The following THSD4 variants were observed in gnomAD, a reference collection of about 807,000 sequenced individuals.
The protein encoded by THSD4 is thrombospondin type-1 domain-containing protein 4.
Under a neutral mutation model 119.0 loss-of-function variants are expected in THSD4, and 69 were observed. That is an observed-to-expected ratio of 0.58 (90% CI 0.48 to 0.71). The LOEUF (loss-of-function observed/expected upper bound fraction) is 0.71. Among genes scored for constraint, THSD4 ranks in the 30% least tolerant of loss-of-function variants. The pLI is 0.00. For synonymous variants in THSD4, 524 were observed against 540.4 expected (o/e 0.97, Z 0.42); for missense variants, 1,393 against 1,391.1 (o/e 1.00, Z -0.02).
intron 6 of THSD4, among the ~76,000 whole-genome samples, chr15:71,319,113 C>T (rs187321456): frequency 6.6e-6 from 1 of 152,224 alleles, no homozygotes; most frequent in East Asian, 1.9e-4. Context: ...TAAGTGATCA[C>T]ATTTGATGAC....
chr15:71,552,175 T>C (rs1263726612), intron 7 of THSD4, among the ~76,000 whole-genome samples: 1 of 152,206 alleles, frequency 6.6e-6, no homozygotes, highest in African/African-American at 2.4e-5. Context: ...TGAGGGGATG[T>C]GGCGGGAAAT....
intron 7 of THSD4, among the ~76,000 whole-genome samples, chr15:71,475,590 A>G (rs2140651407): frequency 1.3e-5 from 2 of 152,298 alleles, no homozygotes; most frequent in Middle Eastern, 6.8e-3. Context: ...TGCTGGTCCA[A>G]GGACCACACT....
intron 5 of THSD4, among the ~76,000 whole-genome samples, chr15:71,247,312 G>T (rs1394111377): frequency 6.6e-6 from 1 of 152,168 alleles, no homozygotes; most frequent in Admixed American, 6.5e-5. Context: ...TCAAGAGAAG[G>T]CTTTTGCTTG....
At chr15:71,632,019 G>A (rs2050639543) in intron 7 of THSD4, among the ~76,000 whole-genome samples, 1 of 152,148 alleles carries the variant, frequency 6.6e-6, no homozygotes, top group Admixed American at 6.5e-5. Flanking sequence ...ACCTGCCTGA[G>A]CCTCGGTTTT....
chr15:71,228,020 T>C (rs1269497734), intron 4 of THSD4, among the ~76,000 whole-genome samples: 1 of 152,162 alleles, frequency 6.6e-6, no homozygotes, highest in Non-Finnish European at 1.5e-5. Context: ...AATAATTCCC[T>C]GCCCTCTCCC....
chr15:71,386,204 ACTTCCAT>A (rs759068818), intron 6 of THSD4, among the ~76,000 whole-genome samples: 1 of 152,206 alleles, frequency 6.6e-6, no homozygotes, highest in African/African-American at 2.4e-5. Context: ...TAATGGGTTG[ACTTCCAT>A]TAAAAATCAA....
intron 7 of THSD4, among the ~76,000 whole-genome samples, chr15:71,513,245 G>A (rs950048484): frequency 2.0e-5 from 3 of 152,172 alleles, no homozygotes; most frequent in Non-Finnish European, 4.4e-5. Flanking sequence ...ACTGTTCCTT[G>A]TACATAGCGG....
intron 7 of THSD4, among the ~76,000 whole-genome samples, chr15:71,441,241 T>C (rs2047084031): frequency 1.6e-5 from 1 of 63,866 alleles, no homozygotes. Context: ...GTCATTTGCA[T>C]GGATCTTGAT....
At chr15:71,559,006 T>C (rs981781445) in intron 7 of THSD4, among the ~76,000 whole-genome samples, 6 of 152,178 alleles carry the variant, frequency 3.9e-5, no homozygotes, top group African/African-American at 1.4e-4. Flanking sequence ...ACGCCAAGTG[T>C]GCTTGAGAAA....
intron 7 of THSD4, among the ~76,000 whole-genome samples, chr15:71,537,876 C>G (rs1266176988): frequency 6.6e-6 from 1 of 152,054 alleles, no homozygotes; most frequent in Admixed American, 6.5e-5. Flanking sequence ...GATTTTCACA[C>G]CTCACCCTCC....
chr15:71,434,434 CT>C (rs34097873), intron 7 of THSD4, among the ~76,000 whole-genome samples: 6,314 of 82,526 alleles, frequency 0.077, 270 homozygotes, highest in African/African-American at 0.13. Context: ...TCAGTGGTCC[CT>C]TTTTTTTTTT....
At chr15:71,478,045 A>G (rs1167286271) in intron 7 of THSD4, among the ~76,000 whole-genome samples, 1 of 152,194 alleles carries the variant, frequency 6.6e-6, no homozygotes, top group Non-Finnish European at 1.5e-5. Context: ...CTGCCTTGGC[A>G]CAATGTTTTC....
chr15:71,519,186 G>C (rs1324890387), intron 7 of THSD4, among the ~76,000 whole-genome samples: 3 of 152,070 alleles, frequency 2.0e-5, no homozygotes, highest in Admixed American at 2.0e-4. Flanking sequence ...AAGGCCCTGG[G>C]GTGATTGAGT....
chr15:71,600,935 G>T (rs2049998776), intron 7 of THSD4, among the ~76,000 whole-genome samples: 1 of 151,860 alleles, frequency 6.6e-6, no homozygotes, highest in Non-Finnish European at 1.5e-5. Flanking sequence ...TTAGTAGATA[G>T]GAGATTTCAC....
At chr15:71,460,614 A>G (rs1172228661) in intron 7 of THSD4, among the ~76,000 whole-genome samples, 1 of 152,144 alleles carries the variant, frequency 6.6e-6, no homozygotes, top group Non-Finnish European at 1.5e-5. Flanking sequence ...GTCAACAGAT[A>G]CTTTTAGAAT....
intron 11 of THSD4, among the ~76,000 whole-genome samples, chr15:71,739,711 A>C (rs1380728909): frequency 2.0e-5 from 3 of 151,772 alleles, no homozygotes; most frequent in Non-Finnish European, 4.4e-5. Flanking sequence ...CTTTGAGGGG[A>C]GGTTGCTAAA....
chr15:71,399,033 C>T (rs2140481541), intron 6 of THSD4, among the ~76,000 whole-genome samples: 1 of 152,162 alleles, frequency 6.6e-6, no homozygotes, highest in East Asian at 1.9e-4. Context: ...GGGAGGTATG[C>T]CCCAGTGGTG....
intron 7 of THSD4, among the ~76,000 whole-genome samples, chr15:71,459,759 T>G (rs9806425): frequency 0.1 from 15,410 of 152,178 alleles, 991 homozygotes; most frequent in Admixed American, 0.2. Context: ...AGAATAACAT[T>G]TTTATTTTGT....
Position 71,546,001 on chromosome 15 carries a change from A to G in THSD4, c.1153-114529A>G, listed in dbSNP as rs76256731. Among the ~76,000 whole-genome samples the G allele has an allele frequency of 7.5e-3, 1,140 of 152,268 alleles. 18 individuals carry two copies. The highest frequency in any genetic ancestry group is 0.026 in the African/African-American group (1,082 of 41,548). On this transcript the variant is annotated intron_variant, in intron 7 of 17. Coordinates refer to ENST00000261862, the MANE Select transcript of THSD4 (RefSeq NM_024817.3). ...TTACTTTCTGGGGCTGGCTGCTGAT[A>G]CTTATTTCAGATCAAAGAGAAAGCC... is the stretch of plus-strand genomic sequence containing the variant.
Sources: allele counts gnomAD v4.1 joint callset (sites outside exome capture counted in the v4.1 genomes callset), GRCh38; gene constraint gnomAD v4.1.1; transcripts MANE v1.5; gene names NCBI Gene and HGNC (gene_info 2026-07-23, HGNC 2026-07-21).